Variants in CDH18 observed in about 807,000 individuals in gnomAD.
CDH18 encodes cadherin 18, also known as cadherin-18.
In CDH18, 31 loss-of-function variants were observed where a neutral mutation model predicts 67.9. The ratio of observed to expected loss-of-function variants is 0.46; its 90% CI spans 0.34 to 0.62. CDH18 has a LOEUF of 0.62. Among genes scored for constraint, CDH18 ranks in the 20% least tolerant of loss-of-function variants. The pLI is 0.01. For synonymous variants in CDH18, 362 were observed against 347.2 expected, an observed-to-expected ratio of 1.04 and a Z score of -0.48; for missense variants, 890 against 975.5, an observed-to-expected ratio of 0.91 and a Z score of 1.17.
upstream of CDH18, among the ~76,000 whole-genome samples, chr5:19,991,119 T>TGA (rs1214250600): frequency 6.6e-6 from 1 of 152,154 alleles, no homozygotes; most frequent in East Asian, 1.9e-4. Flanking sequence ...GATCATTTTC[T>TGA]GAGAGAGAGA....
At chr5:19,727,697 G>A (rs1767024927) in intron 4 of CDH18, among the ~76,000 whole-genome samples, 1 of 143,826 alleles carries the variant, frequency 7.0e-6, no homozygotes, top group Non-Finnish European at 1.5e-5. Context: ...TTTTAATCTG[G>A]GCAAAACTAT....
intron 5 of CDH18, among the ~76,000 whole-genome samples, chr5:19,639,527 T>C (rs1753730811): frequency 6.6e-6 from 1 of 152,130 alleles, no homozygotes; most frequent in Non-Finnish European, 1.5e-5. Context: ...TGATGCTCCA[T>C]CACTATGGGA....
intron 1 of CDH18, among the ~76,000 whole-genome samples, chr5:20,545,632 T>C (rs1032698832): frequency 1.1e-4 from 17 of 152,184 alleles, no homozygotes; most frequent in African/African-American, 4.1e-4. Flanking sequence ...TGCAGTGCAC[T>C]AAGTCCCAAG....
intron 9 of CDH18, among the ~76,000 whole-genome samples, chr5:19,536,346 A>G (rs1749421708): frequency 6.6e-6 from 1 of 152,228 alleles, no homozygotes; most frequent in South Asian, 2.1e-4. Flanking sequence ...ATAACTTTGG[A>G]AAGCAGAGCA....
chr5:20,045,454 A>C (rs1430073545), intron 2 of CDH18, among the ~76,000 whole-genome samples: 1 of 152,036 alleles, frequency 6.6e-6, no homozygotes, highest in Admixed American at 6.6e-5. Flanking sequence ...TGTAAATCTG[A>C]AATTAAAATG....
chr5:20,221,434 TAGAG>T (rs1741215665), intron 2 of CDH18, among the ~76,000 whole-genome samples: 1 of 151,958 alleles, frequency 6.6e-6, no homozygotes, highest in African/African-American at 2.4e-5. Context: ...CTCATGGAAA[TAGAG>T]AGTAGAATAA....
At chr5:20,565,678 G>A (rs1271733160) in intron 1 of CDH18, among the ~76,000 whole-genome samples, 2 of 151,640 alleles carry the variant, frequency 1.3e-5, no homozygotes, top group Admixed American at 6.6e-5. Context: ...AGACAGTGGG[G>A]AGTAAGCCTG....
chr5:19,776,243 A>G (rs1036882491), intron 3 of CDH18, among the ~76,000 whole-genome samples: 4 of 152,188 alleles, frequency 2.6e-5, no homozygotes, highest in Admixed American at 2.0e-4. Flanking sequence ...GTTAGGATCT[A>G]AGGAGGACAA....
chr5:19,501,545 A>G, intron 11 of CDH18, among the ~76,000 whole-genome samples: 1 of 151,848 alleles, frequency 6.6e-6, no homozygotes, highest in East Asian at 1.9e-4. Flanking sequence ...GTGGGATTCA[A>G]TAATAGCAAA....
intron 2 of CDH18, among the ~76,000 whole-genome samples, chr5:19,965,187 T>A (rs574166280): frequency 1.1e-4 from 16 of 152,254 alleles, no homozygotes; most frequent in Admixed American, 7.8e-4. Flanking sequence ...CTATGAAGAA[T>A]AAAATAAAAT....
chr5:19,999,352 C>T (rs1049622361), intron 2 of CDH18, among the ~76,000 whole-genome samples: 1 of 152,150 alleles, frequency 6.6e-6, no homozygotes, highest in African/African-American at 2.4e-5. Flanking sequence ...ATGATCCTAG[C>T]ACTTTGGAAG....
At chr5:19,672,102 G>C (rs1232703417) in intron 5 of CDH18, among the ~76,000 whole-genome samples, 2 of 152,094 alleles carry the variant, frequency 1.3e-5, no homozygotes, top group Non-Finnish European at 2.9e-5. Context: ...CTCAGTGATT[G>C]GAGCTGTGTT....
At chr5:20,354,627 G>A (rs1741458041) in intron 1 of CDH18, among the ~76,000 whole-genome samples, 1 of 152,092 alleles carries the variant, frequency 6.6e-6, no homozygotes, top group South Asian at 2.1e-4. Context: ...CCCTGAGCTT[G>A]TCTCGAACCC....
At chr5:19,519,296 T>C (rs1746521271) in intron 10 of CDH18, among the ~76,000 whole-genome samples, 1 of 152,134 alleles carries the variant, frequency 6.6e-6, no homozygotes, top group South Asian at 2.1e-4. Context: ...TAAAAACAAA[T>C]AGGTAATGAT....
chr5:19,531,729 C>T (rs1580049177), intron 9 of CDH18, among the ~76,000 whole-genome samples: 1 of 152,042 alleles, frequency 6.6e-6, no homozygotes, highest in South Asian at 2.1e-4. Context: ...ATCAGGAGTT[C>T]GAGACCAGTC....
intron 2 of CDH18, among the ~76,000 whole-genome samples, chr5:20,076,086 TA>T (rs1290830110): frequency 6.6e-6 from 1 of 152,084 alleles, no homozygotes; most frequent in African/African-American, 2.4e-5. Context: ...CTTAAATCTA[TA>T]AAAATAAATA....
At chr5:20,426,447 T>A (rs1748307440) in intron 1 of CDH18, among the ~76,000 whole-genome samples, 1 of 151,240 alleles carries the variant, frequency 6.6e-6, no homozygotes, top group Non-Finnish European at 1.5e-5. Context: ...CTTCTATTTA[T>A]GAGTAAATAT....
At chr5:19,876,899 G>A (rs546476526) in intron 2 of CDH18, among the ~76,000 whole-genome samples, 4 of 152,160 alleles carry the variant, frequency 2.6e-5, no homozygotes, top group South Asian at 2.1e-4. Flanking sequence ...AATGAAATCC[G>A]TGTGGAAATG....
chr5:20,562,340 T>C (rs898479147), intron 1 of CDH18, among the ~76,000 whole-genome samples: 1 of 151,800 alleles, frequency 6.6e-6, no homozygotes, highest in African/African-American at 2.4e-5. Context: ...TATTGTTCAA[T>C]AATGCCTAAA....
Sources: allele counts gnomAD v4.1 joint callset (sites outside exome capture counted in the v4.1 genomes callset), GRCh38; gene constraint gnomAD v4.1.1; transcripts MANE v1.5; gene names NCBI Gene and HGNC (gene_info 2026-07-23, HGNC 2026-07-21).